The following RAB3B variants were observed in gnomAD, a reference collection of about 807,000 sequenced individuals.
The protein encoded by RAB3B is ras-related protein Rab-3B.
Under a neutral mutation model 20.5 loss-of-function variants are expected in RAB3B, and 11 were observed. That is an observed-to-expected ratio of 0.54 (90% CI 0.34 to 0.89). The LOEUF (loss-of-function observed/expected upper bound fraction) is 0.89. Ranked by LOEUF, RAB3B falls within the 40% of genes least tolerant of loss-of-function variation. RAB3B has a pLI of 0.02. For synonymous variants in RAB3B, 99 were observed against 106.3 expected (o/e 0.93, Z 0.42); for missense variants, 225 against 280.9 (o/e 0.80, Z 1.42).
intron 2 of RAB3B, among the ~76,000 whole-genome samples, chr1:51,958,588 A>T (rs796553817): frequency 3.9e-5 from 6 of 152,090 alleles, no homozygotes; most frequent in East Asian, 1.9e-4. Flanking sequence ...CCGGGCGTGG[A>T]GGCGCATGCC....
intron 2 of RAB3B, among the ~76,000 whole-genome samples, chr1:51,958,457 C>T (rs1358271299): frequency 2.6e-5 from 4 of 152,164 alleles, no homozygotes; most frequent in South Asian, 2.1e-4. Flanking sequence ...GGCGCGGTGG[C>T]TCATGCCTGT....
At chr1:51,934,184 C>T (rs1056396370) in intron 3 of RAB3B, among the ~76,000 whole-genome samples, 1 of 152,194 alleles carries the variant, frequency 6.6e-6, no homozygotes, top group Non-Finnish European at 1.5e-5. Flanking sequence ...AGCCTCATTA[C>T]CCATTCTCCT....
intron 1 of RAB3B, chr1:51,980,657 A>G (rs1185697371): frequency 7.9e-6 from 6 of 757,434 alleles, no homozygotes; most frequent in Admixed American, 1.7e-5. Context: ...TTCGATGCCT[A>G]TGTGCTTCCC....
intron 4 of RAB3B, among the ~76,000 whole-genome samples, chr1:51,932,036 G>A (rs1043020666): frequency 2.6e-5 from 4 of 152,024 alleles, no homozygotes; most frequent in African/African-American, 9.7e-5. Flanking sequence ...ATAGTGTAGA[G>A]ACAGCAAGGC....
chr1:51,989,731 C>G (rs1215888337), intron 1 of RAB3B, among the ~76,000 whole-genome samples: 2 of 151,818 alleles, frequency 1.3e-5, no homozygotes, highest in African/African-American at 2.4e-5. Flanking sequence ...CTCCCTGCCC[C>G]CTTCCTCTGC....
intron 2 of RAB3B, among the ~76,000 whole-genome samples, chr1:51,958,880 G>C (rs564472586): frequency 6.6e-5 from 10 of 152,258 alleles, no homozygotes; most frequent in African/African-American, 1.4e-4. Context: ...GGCACTGCAA[G>C]TGCAGAGAGA....
chr1:51,940,790 TTTA>T (rs1285590677), intron 2 of RAB3B, among the ~76,000 whole-genome samples: 1 of 152,156 alleles, frequency 6.6e-6, no homozygotes, highest in East Asian at 1.9e-4. Flanking sequence ...GGTTTTATTT[TTTA>T]TTATTATTAC....
chr1:51,921,802 C>T (rs558158154), intron 4 of RAB3B, among the ~76,000 whole-genome samples: 1 of 152,316 alleles, frequency 6.6e-6, no homozygotes, highest in Admixed American at 6.5e-5. Context: ...GTTCCTCCCA[C>T]CTCCTCTCCA....
At chr1:51,933,574 T>C (rs1684356935) in intron 3 of RAB3B, 132 bp from the exon 4 acceptor site, 4 of 799,270 alleles carry the variant, frequency 5.0e-6, no homozygotes, top group African/African-American at 1.8e-5. Context: ...CTTCGGGATG[T>C]AATTATGTCA....
intron 2 of RAB3B, among the ~76,000 whole-genome samples, chr1:51,956,901 A>T (rs1322068027): frequency 6.6e-6 from 1 of 152,232 alleles, no homozygotes; most frequent in East Asian, 1.9e-4. Flanking sequence ...GCCTGAAGCC[A>T]TACAGCTGGT....
At chr1:51,967,451 C>T (rs1042983792) in intron 2 of RAB3B, among the ~76,000 whole-genome samples, 5 of 151,072 alleles carry the variant, frequency 3.3e-5, no homozygotes, top group Non-Finnish European at 7.4e-5. Flanking sequence ...ATGGACATTA[C>T]CTGCTTCAGA....
At chr1:51,987,463 T>G (rs1685167380) in intron 1 of RAB3B, among the ~76,000 whole-genome samples, 1 of 152,094 alleles carries the variant, frequency 6.6e-6, no homozygotes, top group South Asian at 2.1e-4. Flanking sequence ...TGGGAGGGTG[T>G]TTTATTAACC....
chr1:51,929,622 A>AT (rs1231950631), intron 4 of RAB3B, among the ~76,000 whole-genome samples: 2 of 151,886 alleles, frequency 1.3e-5, no homozygotes, highest in East Asian at 1.9e-4. Flanking sequence ...AGCCAATTCT[A>AT]TTTTTTTTAT....
chr1:51,984,518 G>A (rs1370625186), intron 1 of RAB3B, among the ~76,000 whole-genome samples: 1 of 149,706 alleles, frequency 6.7e-6, no homozygotes, highest in African/African-American at 2.5e-5. Flanking sequence ...AGCCTCCCAA[G>A]TAGCTGGGAC....
intron 4 of RAB3B, among the ~76,000 whole-genome samples, chr1:51,929,026 T>G (rs1346261835): frequency 6.6e-6 from 1 of 152,236 alleles, no homozygotes; most frequent in Non-Finnish European, 1.5e-5. Context: ...AACCACCATT[T>G]TAAACAGTTA....
At chr1:51,922,546 A>G (rs1340340268) in intron 4 of RAB3B, among the ~76,000 whole-genome samples, 1 of 152,146 alleles carries the variant, frequency 6.6e-6, no homozygotes, top group East Asian at 1.9e-4. Context: ...ATGTGAATAC[A>G]TGGCAATTCT....
rs1363751691 is a variant in RAB3B at position 51,913,760 on chromosome 1, C to G, written c.*6167G>C. On this transcript the variant is annotated 3_prime_UTR_variant, in exon 5 of 5. Coordinates refer to ENST00000371655, the MANE Select transcript of RAB3B (RefSeq NM_002867.4). Reference sequence around the variant, plus strand: ...GTGCTGGGATTACAGACATGAGCCACTGAGCCAAGCCCTATTTCTCCATTT... The same window carrying G: ...GTGCTGGGATTACAGACATGAGCCAGTGAGCCAAGCCCTATTTCTCCATTT... 1 of 152,244 alleles carries G rather than the reference C, an allele frequency of 6.6e-6. No individual in the cohort carries two copies. Among genetic ancestry groups the G allele is most frequent in the Non-Finnish European group, 1.5e-5 (1 of 68,070 alleles). 9.4% of individuals were successfully genotyped at this position (152,244 alleles called of 1,614,324 possible). A position where few individuals can be genotyped will look rare whatever the true frequency, so the allele number is the denominator to read the frequency against.
At position 51,933,425 on chromosome 1, in the gene RAB3B, G is replaced by C. The variant is rs373729704; in HGVS notation, c.365C>G (p.Thr122Ser). The C allele has an allele frequency of 6.2e-7, 1 of 1,612,652 alleles. No individual in the cohort carries two copies. Among genetic ancestry groups the C allele is most frequent in the Admixed American group, 1.7e-5 (1 of 59,984 alleles). Residue 122 changes from threonine to serine, a missense_variant, in exon 4 of 5, where the codon ACC (threonine) becomes AGC (serine). Physicochemically the swap from Thr to Ser is moderately conservative, Grantham distance 58. Coordinates refer to ENST00000371655, the MANE Select transcript of RAB3B (RefSeq NM_002867.4). ...AACTTGTGCATTGTCCCAGGAGTAG[G>C]TCTTGATCTGAGTAGCCCTAAAATG... The part of the protein sequence containing the change: ...AVQDWATQIK[T>S]YSWDNAQVIL...
intron 2 of RAB3B, among the ~76,000 whole-genome samples, chr1:51,958,580 G>A (rs554856829): frequency 1.4e-4 from 21 of 152,258 alleles, no homozygotes; most frequent in Admixed American, 7.2e-4. Flanking sequence ...AACATTAGCC[G>A]GGCGTGGAGG....
Sources: allele counts gnomAD v4.1 joint callset (sites outside exome capture counted in the v4.1 genomes callset), GRCh38; gene constraint gnomAD v4.1.1; transcripts MANE v1.5; gene names NCBI Gene and HGNC (gene_info 2026-07-23, HGNC 2026-07-21).